The following DGKB variants were observed in gnomAD, a reference collection of about 807,000 sequenced individuals.
The protein encoded by DGKB is diacylglycerol kinase beta.
DGKB carries 67 observed loss-of-function variants against 114.3 expected under a neutral mutation model. That is an observed-to-expected ratio of 0.59 (90% CI 0.48 to 0.72). The LOEUF (loss-of-function observed/expected upper bound fraction) is 0.72, where lower values mean the gene tolerates loss of function less well. Ranked by LOEUF, DGKB falls within the 30% of genes least tolerant of loss-of-function variation. The pLI, the probability that DGKB is intolerant of heterozygous loss-of-function variation, is 0.00. For missense variants in DGKB, 907 were observed against 975.2 expected, an observed-to-expected ratio of 0.93 and a Z score of 0.93; for synonymous variants, 398 against 323.1, an observed-to-expected ratio of 1.23 and a Z score of -2.49.
At position 14,935,736 on chromosome 7, in the gene DGKB, C is replaced by A. The variant is rs538949798; in HGVS notation, c.-188+38960G>T. ...CTCCTCTTCTCTCCTTTCCTCTCCT[C>A]TCTTTTCTCTCCCTTTATCTCTTTT... On this transcript the variant is annotated intron_variant, in intron 1 of 4. Transcript: ENST00000437998. 3.9e-5 allele frequency among the ~76,000 whole-genome samples: 6 copies of A among 152,176 alleles called. No homozygotes were observed. In the South Asian group the frequency reaches 1.2e-3, roughly 32 times the overall value.
At chr7:14,755,408 A>G (rs906876908) in intron 3 of DGKB, among the ~76,000 whole-genome samples, 1 of 152,164 alleles carries the variant, frequency 6.6e-6, no homozygotes, top group African/African-American at 2.4e-5. Flanking sequence ...TAATTTTTGC[A>G]AATACATTTT....
rs192627922 is a variant in DGKB, at chr7:14,355,664, C to T, written c.1836-10273G>A. Among the ~76,000 whole-genome samples, 90 of 152,288 alleles carry T rather than the reference C, an allele frequency of 5.9e-4. No homozygotes were observed. The East Asian group carries it at 0.013, about 21-fold the overall frequency. ...GGTGGATAAGCTTTTTGATGTGCTG[C>T]TGGATTTGGTTTGCCAGTATTTTAT... On this transcript the variant is annotated intron_variant, in intron 21 of 25. Transcript: ENST00000402815.
At chr7:14,205,524 A>G (rs1786636150) in intron 23 of DGKB, among the ~76,000 whole-genome samples, 1 of 151,908 alleles carries the variant, frequency 6.6e-6, no homozygotes, top group Non-Finnish European at 1.5e-5. Flanking sequence ...TATGTTCTAA[A>G]TTTTTCAACA....
Position 14,730,565 on chromosome 7 carries a change from G to A in DGKB, c.322+5476C>T, listed in dbSNP as rs367629753. On this transcript the variant is annotated intron_variant, in intron 5 of 25. Coordinates refer to ENST00000402815, the MANE Select transcript of DGKB (RefSeq NM_001350709.2). ...AAGCAGGTTTAAGTCACAGCAAATAGTTGGATATGGGGTGCATAGGGCAGG... is the reference window on the plus strand; with the variant it reads ...AAGCAGGTTTAAGTCACAGCAAATAATTGGATATGGGGTGCATAGGGCAGG... Among the ~76,000 whole-genome samples, 5 of 152,222 alleles carry A rather than the reference G, an allele frequency of 3.3e-5. No homozygotes were observed. In the East Asian group the frequency reaches 9.6e-4, roughly 29 times the overall value.
intron 20 of DGKB, among the ~76,000 whole-genome samples, chr7:14,525,116 TG>T (rs1790437325): frequency 6.6e-6 from 1 of 152,130 alleles, no homozygotes; most frequent in African/African-American, 2.4e-5. Flanking sequence ...TTTGAACTAT[TG>T]GTACTTTGAA....
intron 1 of DGKB, among the ~76,000 whole-genome samples, chr7:14,957,560 C>G (rs1465527071): frequency 6.6e-6 from 1 of 151,994 alleles, no homozygotes; most frequent in South Asian, 2.1e-4. Flanking sequence ...CTGAGGCTAG[C>G]TTTTGTGCAC....
chr7:14,387,065 C>G (rs1160654044), intron 21 of DGKB, among the ~76,000 whole-genome samples: 1 of 151,330 alleles, frequency 6.6e-6, no homozygotes, highest in Non-Finnish European at 1.5e-5. Flanking sequence ...ATATATGAGG[C>G]TCATGTAAAA....
intron 25 of DGKB, among the ~76,000 whole-genome samples, chr7:14,152,562 C>T (rs556654812): frequency 6.6e-6 from 1 of 152,118 alleles, no homozygotes; most frequent in African/African-American, 2.4e-5. Flanking sequence ...GCAACAGTGG[C>T]AGAGAAAGGT....
At chr7:14,855,563 C>T (rs1850027344) in intron 1 of DGKB, among the ~76,000 whole-genome samples, 1 of 152,058 alleles carries the variant, frequency 6.6e-6, no homozygotes, top group African/African-American at 2.4e-5. Flanking sequence ...TACATACCCC[C>T]ATGCATATGC....
intron 20 of DGKB, among the ~76,000 whole-genome samples, chr7:14,535,182 A>G (rs540854044): frequency 6.6e-6 from 1 of 152,246 alleles, no homozygotes; most frequent in Admixed American, 6.5e-5. Context: ...TAGCCTTGTC[A>G]ACACAGTGAG....
At chr7:14,662,072 A>G (rs1157493849) in intron 13 of DGKB, among the ~76,000 whole-genome samples, 7 of 152,052 alleles carry the variant, frequency 4.6e-5, no homozygotes, top group African/African-American at 1.7e-4. Flanking sequence ...GGGTTAGGGG[A>G]GAGGGATATC....
intron 2 of DGKB, among the ~76,000 whole-genome samples, chr7:14,833,664 C>A (rs978968542): frequency 1.3e-5 from 2 of 152,102 alleles, no homozygotes; most frequent in Non-Finnish European, 2.9e-5. Flanking sequence ...ACCTTCAGTG[C>A]TTAGACTCAT....
intron 21 of DGKB, among the ~76,000 whole-genome samples, chr7:14,405,109 A>G (rs1308944826): frequency 1.5e-4 from 1 of 6,830 alleles, no homozygotes; most frequent in Admixed American, 4.2e-4. Context: ...TGATTTCCAC[A>G]TTTCAAATTA....
At chr7:14,537,189 T>C (rs1179735468) in intron 20 of DGKB, among the ~76,000 whole-genome samples, 3 of 152,152 alleles carry the variant, frequency 2.0e-5, no homozygotes, top group African/African-American at 4.8e-5. Context: ...AAATGGATAG[T>C]GATCCTTGAG....
chr7:14,832,687 A>G (rs993094141), intron 2 of DGKB, among the ~76,000 whole-genome samples: 1 of 152,002 alleles, frequency 6.6e-6, no homozygotes, highest in Non-Finnish European at 1.5e-5. Flanking sequence ...TCTGGTTACA[A>G]TTTCTCAGTT....
intron 25 of DGKB, among the ~76,000 whole-genome samples, chr7:14,158,778 C>T (rs6946723): frequency 0.3 from 45,565 of 151,888 alleles, 7,713 homozygotes; most frequent in South Asian, 0.46. Context: ...TTTTTCAGGT[C>T]CTCCTGTTTC....
intron 21 of DGKB, among the ~76,000 whole-genome samples, chr7:14,390,947 T>C (rs979029919): frequency 6.6e-6 from 1 of 152,134 alleles, no homozygotes; most frequent in African/African-American, 2.4e-5. Flanking sequence ...TCTGTAGAGA[T>C]TTTTACTGCT....
intron 2 of DGKB, among the ~76,000 whole-genome samples, chr7:14,781,317 G>T (rs1441475821): frequency 6.6e-6 from 1 of 151,914 alleles, no homozygotes; most frequent in South Asian, 2.1e-4. Flanking sequence ...TCACATTCTG[G>T]GTCCTCCATA....
chr7:14,448,841 G>A (rs1831074613), intron 21 of DGKB, among the ~76,000 whole-genome samples: 2 of 152,054 alleles, frequency 1.3e-5, no homozygotes, highest in Admixed American at 6.6e-5. Flanking sequence ...CACTATCAAA[G>A]TGAGGGAACC....
Sources: allele counts gnomAD v4.1 joint callset (sites outside exome capture counted in the v4.1 genomes callset), GRCh38; gene constraint gnomAD v4.1.1; transcripts MANE v1.5; gene names NCBI Gene and HGNC (gene_info 2026-07-23, HGNC 2026-07-21).